Variants in DNAJC10 observed in about 807,000 individuals in gnomAD.
The protein encoded by DNAJC10 is endoplasmic reticulum disulfide reductase DNAJC10.
A neutral mutation model predicts 115.0 loss-of-function variants in DNAJC10; 101 were observed. The observed-to-expected ratio is 0.88, with a 90% CI of 0.75 to 1.04. The LOEUF (loss-of-function observed/expected upper bound fraction) is 1.04, where lower values mean the gene tolerates loss of function less well. Among genes scored for constraint, DNAJC10 ranks in the 50% least tolerant of loss-of-function variants. The probability of loss-of-function intolerance (pLI) is 0.00; values close to 1 mark genes in which losing one functional copy is unlikely to be tolerated. For missense variants in DNAJC10, 981 were observed against 928.8 expected, an observed-to-expected ratio of 1.06 and a Z score of -0.73; for synonymous variants, 307 against 301.5, an observed-to-expected ratio of 1.02 and a Z score of -0.19.
At chr2:182,758,781 G>A in intron 19 of DNAJC10, 56 bp from the exon 20 acceptor site, 1 of 1,210,878 alleles carries the variant, frequency 8.3e-7, no homozygotes, top group Middle Eastern at 2.0e-4. Context: ...ATTGTTTTCT[G>A]AATACATCCA....
chr2:182,720,586 G>C (rs142771434), intron 4 of DNAJC10, among the ~76,000 whole-genome samples: 1 of 152,098 alleles, frequency 6.6e-6, no homozygotes. Flanking sequence ...GTAACATGCT[G>C]TACAGATTTG....
chr2:182,775,071 CTT>C (rs5836849), intron 22 of DNAJC10, among the ~76,000 whole-genome samples: 167 of 129,312 alleles, frequency 1.3e-3, no homozygotes, highest in Middle Eastern at 4.4e-3. Context: ...GTCAGTGATG[CTT>C]TTTTTTTTTT....
chr2:182,752,577 T>C, intron 16 of DNAJC10: 1 of 943,624 alleles, frequency 1.1e-6, no homozygotes, highest in Non-Finnish European at 1.3e-6. Context: ...GTTAAAACAA[T>C]GAACAAGCCT....
Position 182,720,068 on chromosome 2 carries a change from A to T in DNAJC10, c.266A>T (p.Asp89Val). Reference sequence around the variant, plus strand: ...AATAGAGCATATGAAGTACTCAAAGATGAAGATCTACGGAAAAAGTATGAC... The same window carrying T: ...AATAGAGCATATGAAGTACTCAAAGTTGAAGATCTACGGAAAAAGTATGAC... ...KINRAYEVLK[D>V]EDLRKKYDKY... Residue 89 changes from aspartate (D) to valine (V), a missense_variant, in exon 4 of 24, where the codon GAT becomes GTT. Transcript: ENST00000264065. 1 of 1,606,372 alleles carries T rather than the reference A, an allele frequency of 6.2e-7. No homozygotes were observed. Among genetic ancestry groups the T allele is most frequent in the Non-Finnish European group, 8.5e-7 (1 of 1,173,270 alleles).
chr2:182,770,111 G>T (rs1694521393), intron 22 of DNAJC10, among the ~76,000 whole-genome samples: 1 of 152,196 alleles, frequency 6.6e-6, no homozygotes, highest in African/African-American at 2.4e-5. Context: ...GTTTGTCAAA[G>T]ATCAGATGGT....
Position 182,788,885 on chromosome 2 carries a change from C to T in DNAJC10, c.*11753C>T. The T allele has an allele frequency of 2.3e-6, 1 of 437,978 alleles. No individual in the cohort carries two copies. Among genetic ancestry groups the T allele is most frequent in the Non-Finnish European group, 4.5e-6 (1 of 222,296 alleles). 27.1% of individuals were successfully genotyped at this position (437,978 alleles called of 1,614,324 possible). ...GTCATTTTGTGTCTTCTTTAAAACTCTTGATTCCTTTTAGAGTTTTTTAAA... is the reference window on the plus strand; with the variant it reads ...GTCATTTTGTGTCTTCTTTAAAACTTTTGATTCCTTTTAGAGTTTTTTAAA... On this transcript the variant is annotated 3_prime_UTR_variant, in exon 24 of 24. Coordinates refer to ENST00000264065, the MANE Select transcript of DNAJC10 (RefSeq NM_018981.4).
intron 4 of DNAJC10, among the ~76,000 whole-genome samples, chr2:182,721,511 A>G (rs576563862): frequency 6.6e-6 from 1 of 152,284 alleles, no homozygotes; most frequent in East Asian, 1.9e-4. Flanking sequence ...CAAATACTCT[A>G]AGCTTTTTAG....
intron 19 of DNAJC10, among the ~76,000 whole-genome samples, chr2:182,758,627 T>C (rs1199794910): frequency 6.6e-6 from 1 of 152,158 alleles, no homozygotes. Context: ...CATTCTGGGC[T>C]GTCTGGGGCA....
Position 182,718,300 on chromosome 2 carries a change from C to T in DNAJC10, c.204+10C>T, listed in dbSNP as rs762980478. 3 of 1,562,394 alleles carry T rather than the reference C, an allele frequency of 1.9e-6. No homozygotes were observed. The highest frequency in any genetic ancestry group is 2.6e-6 in the Non-Finnish European group (3 of 1,159,306). ...TCCTGATAAAAACCCGGTAGGTAAACGTTTGTTTTTAAAAATATTTGATTA... is the reference window on the plus strand; with the variant it reads ...TCCTGATAAAAACCCGGTAGGTAAATGTTTGTTTTTAAAAATATTTGATTA... On this transcript the variant is annotated intron_variant, in intron 3 of 23. Transcript: ENST00000264065.
intron 21 of DNAJC10, among the ~76,000 whole-genome samples, chr2:182,759,599 C>A (rs1470286202): frequency 6.6e-6 from 1 of 152,118 alleles, no homozygotes; most frequent in Non-Finnish European, 1.5e-5. Flanking sequence ...CACCCCAGTA[C>A]TCTGTTGCCC....
intron 22 of DNAJC10, among the ~76,000 whole-genome samples, chr2:182,766,301 T>TG (rs1269048372): frequency 9.9e-5 from 15 of 152,178 alleles, no homozygotes; most frequent in African/African-American, 3.6e-4. Flanking sequence ...CATTCTTTTC[T>TG]GATAAGGGAC....
rs1189794659 is a variant in DNAJC10 at position 182,777,301 on chromosome 2, C to T, written c.*169C>T. 9.7e-6 allele frequency: 4 copies of T among 411,862 alleles called. No homozygotes were observed. The highest frequency in any genetic ancestry group is 1.7e-5 in the Non-Finnish European group (4 of 228,736). 25.5% of individuals were successfully genotyped at this position (411,862 alleles called of 1,614,324 possible). A position where few individuals can be genotyped will look rare whatever the true frequency, so the allele number is the denominator to read the frequency against. ...CTGGTGTAAAAGAAGGGTCTGCAAA[C>T]TTTTTCTGTAAAGGGCCGGTTTATA... is the stretch of plus-strand genomic sequence containing the variant. On this transcript the variant is annotated 3_prime_UTR_variant, in exon 24 of 24. Coordinates refer to ENST00000264065, the MANE Select transcript of DNAJC10 (RefSeq NM_018981.4).
chr2:182,790,397 G>A lies in DNAJC10; in HGVS notation c.*13265G>A, dbSNP rs1695027437. Reference sequence around the variant, plus strand: ...GCAAATCTAATACCTTGGTCTTACAGAACTGAACAATACTTAAATGTGTTT... The same window carrying A: ...GCAAATCTAATACCTTGGTCTTACAAAACTGAACAATACTTAAATGTGTTT... On this transcript the variant is annotated 3_prime_UTR_variant, in exon 24 of 24. Coordinates refer to ENST00000264065, the MANE Select transcript of DNAJC10 (RefSeq NM_018981.4). 1 of 152,110 alleles carries A rather than the reference G, an allele frequency of 6.6e-6. No homozygotes were observed. The highest frequency in any genetic ancestry group is 2.1e-4 in the South Asian group (1 of 4,822). 9.4% of individuals were successfully genotyped at this position (152,110 alleles called of 1,614,324 possible). A position where few individuals can be genotyped will look rare whatever the true frequency, so the allele number is the denominator to read the frequency against.
At chr2:182,772,669 G>GTT (rs1198262722) in intron 22 of DNAJC10, among the ~76,000 whole-genome samples, 1 of 148,464 alleles carries the variant, frequency 6.7e-6, no homozygotes, top group African/African-American at 2.5e-5. Context: ...GTTTTGTTTT[G>GTT]TTTTTTGGTT....
Position 182,751,733 on chromosome 2 carries a change from A to C in DNAJC10, c.1382A>C (p.Gln461Pro), listed in dbSNP as rs895732105. 1.9e-6 allele frequency: 3 copies of C among 1,613,860 alleles called. No homozygotes were observed. Among genetic ancestry groups the C allele is most frequent in the Non-Finnish European group, 2.5e-6 (3 of 1,179,916 alleles). The change falls in exon 15 of 24, where the codon CAA becomes CCA. Residue 461 changes from glutamine (Q) to proline (P), a missense_variant. Transcript: ENST00000264065. Reference sequence around the variant, plus strand: ...TCTCATGTTACCACGCTTGGACCTCAAAATTTTCCTGCCAATGACAAAGAA... The same window carrying C: ...TCTCATGTTACCACGCTTGGACCTCCAAATTTTCCTGCCAATGACAAAGAA... ...VNSHVTTLGP[Q>P]NFPANDKEPW...
chr2:182,726,160 A>G (rs1388246828), intron 5 of DNAJC10, among the ~76,000 whole-genome samples: 2 of 152,168 alleles, frequency 1.3e-5, no homozygotes, highest in Non-Finnish European at 2.9e-5. Flanking sequence ...GATGACTTTG[A>G]GGTGTTCAAG....
chr2:182,754,650 C>T, intron 16 of DNAJC10: 2 of 495,784 alleles, frequency 4.0e-6, no homozygotes, highest in Non-Finnish European at 5.3e-6. Flanking sequence ...AAAAAAAAGA[C>T]TCAAGCTAGA....
Position 182,722,106 on chromosome 2 carries a change from C to T in DNAJC10, c.418+31C>T, listed in dbSNP as rs1045566853. The T allele has an allele frequency of 2.1e-6, 3 of 1,457,534 alleles. No individual in the cohort carries two copies. The Admixed American group carries it at 6.3e-5, about 30-fold the overall frequency. 90.3% of individuals were successfully genotyped at this position (1,457,534 alleles called of 1,614,324 possible). On this transcript the variant is annotated intron_variant, in intron 5 of 23. Transcript: ENST00000264065. ...TTTGTGGGCTTAAGGTTTTATAAAA[C>T]TAATACAAGTTCGATCTCATCTAAA...
At chr2:182,725,921 A>G (rs540391301) in intron 5 of DNAJC10, among the ~76,000 whole-genome samples, 3 of 152,282 alleles carry the variant, frequency 2.0e-5, no homozygotes, top group South Asian at 2.1e-4. Flanking sequence ...TGCAGCCCGT[A>G]AATCAAGGAG....
Sources: allele counts gnomAD v4.1 joint callset (sites outside exome capture counted in the v4.1 genomes callset), GRCh38; gene constraint gnomAD v4.1.1; transcripts MANE v1.5; gene names NCBI Gene and HGNC (gene_info 2026-07-23, HGNC 2026-07-21).